The following HIF1A variants were observed in gnomAD, a reference collection of about 807,000 sequenced individuals.
HIF1A encodes the protein hypoxia inducible factor 1 subunit alpha.
Under a neutral mutation model 92.7 loss-of-function variants are expected in HIF1A, and 24 were observed. That is an observed-to-expected ratio of 0.26 (90% CI 0.19 to 0.36). The LOEUF (loss-of-function observed/expected upper bound fraction) is 0.36, where lower values mean the gene tolerates loss of function less well. Among genes scored for constraint, HIF1A ranks in the 10% least tolerant of loss-of-function variants. HIF1A has a pLI of 1.00. For synonymous variants in HIF1A, 319 were observed against 338.7 expected (o/e 0.94, Z 0.64); for missense variants, 799 against 998.5 (o/e 0.80, Z 2.69).
At chr14:61,739,904 A>G (rs1376581182) in intron 10 of HIF1A, among the ~76,000 whole-genome samples, 1 of 152,086 alleles carries the variant, frequency 6.6e-6, no homozygotes, top group East Asian at 1.9e-4. Flanking sequence ...ATTAGGTACC[A>G]TTGTGGGATG....
intron 1 of HIF1A, among the ~76,000 whole-genome samples, chr14:61,716,124 T>C (rs1431373575): frequency 6.6e-5 from 10 of 152,160 alleles, no homozygotes; most frequent in Non-Finnish European, 1.2e-4. Flanking sequence ...TGATGAGATA[T>C]AATTCTCACC....
chr14:61,723,967 T>C (rs2044466441), intron 4 of HIF1A, among the ~76,000 whole-genome samples: 1 of 152,240 alleles, frequency 6.6e-6, no homozygotes, highest in Non-Finnish European at 1.5e-5. Context: ...ATTTTAGTGA[T>C]ACACTGAGAG....
intron 13 of HIF1A, 76 bp from the exon 14 acceptor site, chr14:61,745,615 C>T (rs745866791): frequency 5.9e-6 from 7 of 1,177,356 alleles, no homozygotes; most frequent in South Asian, 1.3e-5. Context: ...ATTAAATTTA[C>T]ACCAATTTCA....
intron 7 of HIF1A, 86 bp downstream of exon 7, chr14:61,732,610 G>C: frequency 2.5e-6 from 2 of 788,352 alleles, no homozygotes; most frequent in Non-Finnish European, 4.3e-6. Flanking sequence ...CTAATTCTCT[G>C]GTTAAAAGTT....
At chr14:61,714,175 A>AT (rs1252939484) in intron 1 of HIF1A, among the ~76,000 whole-genome samples, 1 of 152,194 alleles carries the variant, frequency 6.6e-6, no homozygotes, top group Non-Finnish European at 1.5e-5. Context: ...CTGACACCAA[A>AT]TTGAATGTTT....
At chr14:61,711,162 C>T (rs536091998) in intron 1 of HIF1A, among the ~76,000 whole-genome samples, 1 of 150,748 alleles carries the variant, frequency 6.6e-6, no homozygotes, top group East Asian at 1.9e-4. Flanking sequence ...CCTGTTTCTG[C>T]CTGGGTTCGG....
At chr14:61,714,170 A>T (rs1180211159) in intron 1 of HIF1A, among the ~76,000 whole-genome samples, 2 of 152,220 alleles carry the variant, frequency 1.3e-5, no homozygotes, top group Non-Finnish European at 2.9e-5. Flanking sequence ...TCAAGCTGAC[A>T]CCAAATTGAA....
At position 61,695,836 on chromosome 14, in the gene HIF1A, A is replaced by G; in HGVS notation, c.32A>G (p.Lys11Arg). 1 of 1,590,864 alleles carries G rather than the reference A, an allele frequency of 6.3e-7. No homozygotes were observed. Among genetic ancestry groups the G allele is most frequent in the Non-Finnish European group, 8.5e-7 (1 of 1,170,122 alleles). MEGAGGANDK[K>R]KISSERRKEK... ...GGCGCCGGCGGCGCGAACGACAAGAAAAAGTAAGCCCATTCCCTCGGCCCG... is the reference window on the plus strand; with the variant it reads ...GGCGCCGGCGGCGCGAACGACAAGAGAAAGTAAGCCCATTCCCTCGGCCCG... The change falls in exon 1 of 15, where the codon AAA (lysine) becomes AGA (arginine). Residue 11 changes from lysine to arginine, a missense_variant. Lys to Arg is a conservative substitution (Grantham distance 26, BLOSUM62 2). This residue lies in a region of HIF1A where 516 missense variants were observed against 721.0 expected (regional missense o/e 0.72). Transcript: ENST00000337138.
intron 12 of HIF1A, 139 bp from the exon 13 acceptor site, chr14:61,744,566 G>T: frequency 2.5e-6 from 1 of 403,180 alleles, no homozygotes; most frequent in Non-Finnish European, 4.5e-6. Context: ...ATAAACTTTA[G>T]TGATCAGGAA....
intron 13 of HIF1A, among the ~76,000 whole-genome samples, chr14:61,745,152 C>T (rs768232750): frequency 6.6e-5 from 10 of 152,162 alleles, no homozygotes; most frequent in Non-Finnish European, 8.8e-5. Context: ...TGGCCAGGCA[C>T]AGTGCCTCAC....
At chr14:61,696,286 A>G (rs1188681056) in intron 1 of HIF1A, among the ~76,000 whole-genome samples, 1 of 152,214 alleles carries the variant, frequency 6.6e-6, no homozygotes, top group African/African-American at 2.4e-5. Context: ...CTCCAGTTCC[A>G]TTGAAAACTC....
At chr14:61,728,859 G>T (rs1447009156) in intron 6 of HIF1A, among the ~76,000 whole-genome samples, 1 of 152,024 alleles carries the variant, frequency 6.6e-6, no homozygotes, top group Non-Finnish European at 1.5e-5. Flanking sequence ...TCATTCTGTT[G>T]TTGAAAATGC....
intron 6 of HIF1A, among the ~76,000 whole-genome samples, chr14:61,731,194 T>C (rs1407617401): frequency 1.3e-5 from 2 of 152,134 alleles, no homozygotes; most frequent in Non-Finnish European, 2.9e-5. Flanking sequence ...CAGCATGTTA[T>C]ATAAGGTTTG....
chr14:61,712,190 A>C (rs975861521), intron 1 of HIF1A, among the ~76,000 whole-genome samples: 2 of 152,192 alleles, frequency 1.3e-5, no homozygotes, highest in African/African-American at 4.8e-5. Context: ...AGACTTGAAA[A>C]AGGTGGAGAA....
At chr14:61,732,382 CT>C (rs752583462) in intron 6 of HIF1A, 35 bp from the exon 7 acceptor site, 65 of 1,410,622 alleles carry the variant, frequency 4.6e-5, no homozygotes, top group Non-Finnish European at 5.6e-5. Flanking sequence ...CAGTGTCTCC[CT>C]TTTTTTTCTT....
intron 1 of HIF1A, among the ~76,000 whole-genome samples, chr14:61,711,388 G>T (rs2044306450): frequency 6.6e-6 from 1 of 151,930 alleles, no homozygotes. Context: ...GATTGGTTAA[G>T]AACATTAACT....
rs1384618915 is a variant in HIF1A at position 61,721,592 on chromosome 14, A to T, written c.310A>T (p.Thr104Ser). Residue 104 changes from threonine to serine, a missense_variant, in exon 3 of 15, where the codon ACA becomes TCA. Thr to Ser is a moderately conservative substitution (Grantham distance 58). Around this residue, in one of 2 missense-constraint regions of HIF1A, gnomAD observed 516 missense variants for 721.0 expected, o/e 0.72. Coordinates refer to ENST00000337138, the MANE Select transcript of HIF1A (RefSeq NM_001530.4). ...KALDGFVMVL[T>S]DDGDMIYISD... ...CTTGGATGGTTTTGTTATGGTTCTC[A>T]CAGATGATGGTGACATGATTTACAT... The T allele has an allele frequency of 6.2e-7, 1 of 1,613,182 alleles. No homozygotes were observed.
intron 1 of HIF1A, among the ~76,000 whole-genome samples, chr14:61,717,646 A>G (rs1160672095): frequency 6.6e-6 from 1 of 152,188 alleles, no homozygotes; most frequent in African/African-American, 2.4e-5. Flanking sequence ...GCCACTCCTT[A>G]GATAGTCATT....
At chr14:61,711,000 T>C in intron 1 of HIF1A, among the ~76,000 whole-genome samples, 1 of 145,356 alleles carries the variant, frequency 6.9e-6, no homozygotes, top group East Asian at 2.0e-4. Flanking sequence ...TGAGCGGAGA[T>C]CGCACCACTG....
Sources: gnomAD v4.1 joint callset for allele counts (sites outside exome capture counted in the v4.1 genomes callset) on GRCh38, gnomAD v4.1.1 for gene constraint, gnomAD v4.1.1 regional missense constraint, MANE v1.5 for transcripts, NCBI Gene and HGNC (gene_info 2026-07-23, HGNC 2026-07-21) for gene names.